EVA1C: variants seen among roughly 807,000 people sequenced by gnomAD.
The protein encoded by EVA1C is eva-1 homolog C.
In EVA1C, 25 loss-of-function variants were observed where a neutral mutation model predicts 45.4. The ratio of observed to expected loss-of-function variants is 0.55; its 90% CI spans 0.40 to 0.77. EVA1C has a LOEUF of 0.77. EVA1C is among the 30% of genes least tolerant of loss of function. The probability of loss-of-function intolerance (pLI) is 0.00; values close to 1 mark genes in which losing one functional copy is unlikely to be tolerated. For missense variants in EVA1C, 479 were observed against 554.8 expected, an observed-to-expected ratio of 0.86 and a Z score of 1.37; for synonymous variants, 190 against 221.2, an observed-to-expected ratio of 0.86 and a Z score of 1.25.
intron 7 of EVA1C, among the ~76,000 whole-genome samples, chr21:32,510,346 C>T (rs528772115): frequency 1.3e-5 from 2 of 152,240 alleles, no homozygotes; most frequent in East Asian, 3.9e-4. Flanking sequence ...TGAGCCACCA[C>T]TCCCGGCCGA....
chr21:32,435,507 A>T (rs1387051269), intron 1 of EVA1C, among the ~76,000 whole-genome samples: 2 of 152,234 alleles, frequency 1.3e-5, no homozygotes, highest in Non-Finnish European at 2.9e-5. Flanking sequence ...CTGCAGGCTC[A>T]GCCCATCCAC....
At chr21:32,479,096 T>C (rs1305353204) in intron 4 of EVA1C, among the ~76,000 whole-genome samples, 1 of 152,240 alleles carries the variant, frequency 6.6e-6, no homozygotes, top group Admixed American at 6.5e-5. Flanking sequence ...TGTTATCACA[T>C]GTATTGGGGG....
At chr21:32,507,839 ATG>A (rs141945235) in intron 7 of EVA1C, among the ~76,000 whole-genome samples, 5,751 of 149,050 alleles carry the variant, frequency 0.039, 137 homozygotes, top group South Asian at 0.077. Context: ...ATGTGTGTGC[ATG>A]TGTCTGTATG....
Position 32,474,751 on chromosome 21 carries a change from ATGGATAATCGTCTGGTTACAGAC to A in EVA1C, c.634+6907_634+6929del, listed in dbSNP as rs2036495901. Among the ~76,000 whole-genome samples, 2 of 152,236 alleles carry A rather than the reference ATGGATAATCGTCTGGTTACAGAC, an allele frequency of 1.3e-5. No homozygotes were observed. The highest frequency in any genetic ancestry group is 2.9e-5 in the Non-Finnish European group (2 of 68,046). On this transcript the variant is annotated intron_variant, in intron 4 of 7. Coordinates refer to ENST00000300255, the MANE Select transcript of EVA1C (RefSeq NM_058187.5). The surrounding 1 kb of genome is among the most constrained non-coding windows in gnomAD (Gnocchi z 4.4). ...AGGTGCCCACACTCGGCTCCCGAGG[ATGGATAATCGTCTGGTTACAGAC>A]TGGGAATGTAGGCCTGGTGTCACAG...
At chr21:32,418,408 C>T (rs1013058759) in intron 1 of EVA1C, among the ~76,000 whole-genome samples, 3 of 152,184 alleles carry the variant, frequency 2.0e-5, no homozygotes, top group Admixed American at 6.5e-5. Flanking sequence ...AGAAGAGTCT[C>T]GGCCCACAAG....
chr21:32,441,366 A>C (rs996052551), intron 1 of EVA1C, among the ~76,000 whole-genome samples: 1 of 152,108 alleles, frequency 6.6e-6, no homozygotes, highest in African/African-American at 2.4e-5. Context: ...GGAGGAAGGG[A>C]GAAAGCAGAT....
intron 1 of EVA1C, among the ~76,000 whole-genome samples, chr21:32,447,334 A>G (rs2035400440): frequency 6.6e-6 from 1 of 150,746 alleles, no homozygotes; most frequent in Non-Finnish European, 1.5e-5. Flanking sequence ...ACGCCACTGC[A>G]CTCCAGCCTG....
At chr21:32,511,481 C>T (rs1002480070) in intron 7 of EVA1C, among the ~76,000 whole-genome samples, 1 of 150,344 alleles carries the variant, frequency 6.7e-6, no homozygotes, top group Non-Finnish European at 1.5e-5. Flanking sequence ...TATACACATC[C>T]TTTATATGTA....
At chr21:32,443,000 A>AGGAG (rs1279952008) in intron 1 of EVA1C, among the ~76,000 whole-genome samples, 82 of 65,152 alleles carry the variant, frequency 1.3e-3, no homozygotes, top group African/African-American at 4.3e-3. Flanking sequence ...GAGGGAGGGA[A>AGGAG]GGAGGGAGGG....
intron 5 of EVA1C, among the ~76,000 whole-genome samples, chr21:32,498,517 A>G (rs1325560414): frequency 1.3e-5 from 2 of 151,946 alleles, no homozygotes; most frequent in Non-Finnish European, 2.9e-5. Flanking sequence ...GCATTAACCA[A>G]ATAGCCAGAC....
At chr21:32,446,551 A>C (rs564603517) in intron 1 of EVA1C, among the ~76,000 whole-genome samples, 1 of 152,340 alleles carries the variant, frequency 6.6e-6, no homozygotes, top group East Asian at 1.9e-4. Context: ...CAAGAAACCA[A>C]GGTGTGGGAA....
Position 32,514,964 on chromosome 21 carries a change from A to G in EVA1C, c.1100A>G (p.Lys367Arg). ...GREQLVPGSD[K>R]VEEDSEDEEE... ...GAGCAGCTGGTGCCAGGAAGTGACA[A>G]GGTCGAGGAGGACAGCGAGGATGAA... The change falls in exon 8 of 8, where the codon AAG (lysine) becomes AGG (arginine). Residue 367 changes from lysine to arginine, a missense_variant. This residue lies in a region of EVA1C where 366 missense variants were observed against 426.1 expected (regional missense o/e 0.86). Coordinates refer to ENST00000300255, the MANE Select transcript of EVA1C (RefSeq NM_058187.5). 6.2e-7 allele frequency: 1 copy of G among 1,614,158 alleles called. No individual in the cohort carries two copies. Among genetic ancestry groups the G allele is most frequent in the Non-Finnish European group, 8.5e-7 (1 of 1,180,014 alleles).
At chr21:32,447,957 G>T (rs959177411) in intron 1 of EVA1C, among the ~76,000 whole-genome samples, 1 of 151,976 alleles carries the variant, frequency 6.6e-6, no homozygotes, top group Non-Finnish European at 1.5e-5. Flanking sequence ...CGCCTGCCTC[G>T]GCCTCCCAAA....
At chr21:32,453,547 C>T in intron 2 of EVA1C, 39 bp downstream of exon 2, 1 of 1,375,618 alleles carries the variant, frequency 7.3e-7, no homozygotes, top group South Asian at 1.2e-5. Flanking sequence ...GATACAGTTT[C>T]AACACACACT....
chr21:32,440,826 C>T (rs370866642), intron 1 of EVA1C, among the ~76,000 whole-genome samples: 11 of 152,272 alleles, frequency 7.2e-5, no homozygotes, highest in South Asian at 2.1e-4. Context: ...TTGGGCCAGG[C>T]GCAGTGGCTC....
Position 32,515,173 on chromosome 21 carries a change from A to G in EVA1C, c.1309A>G (p.Met437Val), listed in dbSNP as rs61745002. ...TTTGGACACCTCGCTCCCAAGAAAC[A>G]TGGGCCAGTTCTACTGAAAACCACA... ...SGLDTSLPRN[M>V]GQFY Residue 437 changes from methionine to valine, a missense_variant, in exon 8 of 8, where the codon ATG (methionine) becomes GTG (valine). This residue lies in a region of EVA1C where 366 missense variants were observed against 426.1 expected (regional missense o/e 0.86). Coordinates refer to ENST00000300255, the MANE Select transcript of EVA1C (RefSeq NM_058187.5). The G allele has an allele frequency of 9.7e-4, 1,552 of 1,592,162 alleles. 12 individuals carry two copies. The African/African-American group carries it at 0.018, about 18-fold the overall frequency.
chr21:32,501,937 T>TCCTC (rs921673709), intron 6 of EVA1C, among the ~76,000 whole-genome samples: 1 of 151,206 alleles, frequency 6.6e-6, no homozygotes, highest in Non-Finnish European at 1.5e-5. Flanking sequence ...CTTCCTTCCT[T>TCCTC]CCTCCCTCCC....
chr21:32,434,419 G>A (rs1435936114), intron 1 of EVA1C, among the ~76,000 whole-genome samples: 2 of 150,244 alleles, frequency 1.3e-5, no homozygotes, highest in African/African-American at 2.4e-5. Context: ...GTGAAACCCC[G>A]TCTCTACTAA....
At chr21:32,444,896 ATAT>A (rs2098811588) in intron 1 of EVA1C, among the ~76,000 whole-genome samples, 1 of 150,234 alleles carries the variant, frequency 6.7e-6, no homozygotes, top group South Asian at 2.1e-4. Flanking sequence ...AAGATCAAAT[ATAT>A]ATTTCACAAT....
Sources: allele counts gnomAD v4.1 joint callset (sites outside exome capture counted in the v4.1 genomes callset), GRCh38; gene constraint gnomAD v4.1.1; regional missense constraint gnomAD v4.1.1; non-coding constraint Gnocchi (gnomAD v3.1); transcripts MANE v1.5; gene names NCBI Gene and HGNC (gene_info 2026-07-23, HGNC 2026-07-21).